Variants in CTNNA3 observed in about 807,000 individuals in gnomAD.
CTNNA3 encodes catenin alpha-3.
CTNNA3 carries 76 observed loss-of-function variants against 95.7 expected under a neutral mutation model. The observed-to-expected ratio is 0.79, with a 90% CI of 0.66 to 0.96. The LOEUF is 0.96. Among genes scored for constraint, CTNNA3 ranks in the 40% least tolerant of loss-of-function variants. CTNNA3 has a pLI of 0.00. For missense variants in CTNNA3, 1,191 were observed against 1,089.8 expected (o/e 1.09, Z -1.31); for synonymous variants, 431 against 374.4 (o/e 1.15, Z -1.74).
chr10:66,254,109 A>C (rs1374915167), intron 13 of CTNNA3, among the ~76,000 whole-genome samples: 2 of 152,062 alleles, frequency 1.3e-5, no homozygotes, highest in Non-Finnish European at 2.9e-5. Flanking sequence ...TTTCTCAACA[A>C]TCTTACCTCC....
At chr10:66,085,597 C>T (rs2080952465) in intron 14 of CTNNA3, among the ~76,000 whole-genome samples, 1 of 151,798 alleles carries the variant, frequency 6.6e-6, no homozygotes, top group South Asian at 2.1e-4. Context: ...AGAATGTCAC[C>T]AGAGAGTCAC....
chr10:66,787,487 T>G (rs1050049631), intron 7 of CTNNA3, among the ~76,000 whole-genome samples: 1 of 152,102 alleles, frequency 6.6e-6, no homozygotes, highest in Non-Finnish European at 1.5e-5. Context: ...CTTTTCTCTT[T>G]CTCCTTCTGC....
chr10:66,471,071 A>G (rs1839111825), intron 11 of CTNNA3, among the ~76,000 whole-genome samples: 1 of 151,896 alleles, frequency 6.6e-6, no homozygotes, highest in Non-Finnish European at 1.5e-5. Context: ...TAAATTCTGG[A>G]GAGGAAATGG....
chr10:67,391,256 C>A (rs1461655774), intron 5 of CTNNA3, among the ~76,000 whole-genome samples: 1 of 151,750 alleles, frequency 6.6e-6, no homozygotes, highest in Non-Finnish European at 1.5e-5. Context: ...TCTTATACAC[C>A]AACAACAGAC....
At chr10:66,739,798 A>G (rs1849266613) in intron 9 of CTNNA3, among the ~76,000 whole-genome samples, 1 of 152,204 alleles carries the variant, frequency 6.6e-6, no homozygotes, top group African/African-American at 2.4e-5. Flanking sequence ...TGGGGAAAGT[A>G]CAGTTGTGTG....
chr10:67,624,122 G>A (rs1035029079), intron 2 of CTNNA3, among the ~76,000 whole-genome samples: 3 of 151,944 alleles, frequency 2.0e-5, no homozygotes, highest in South Asian at 2.1e-4. Context: ...GCGCCCAGCC[G>A]ATTATTTTAA....
At chr10:67,345,860 C>A (rs1842393563) in intron 5 of CTNNA3, among the ~76,000 whole-genome samples, 1 of 151,956 alleles carries the variant, frequency 6.6e-6, no homozygotes, top group South Asian at 2.1e-4. Context: ...CTTACTCCTG[C>A]CATTTTGTTG....
chr10:66,650,604 G>A lies in CTNNA3; in HGVS notation c.1282-28820C>T, dbSNP rs534232884. 3.3e-5 allele frequency among the ~76,000 whole-genome samples: 5 copies of A among 152,226 alleles called. No homozygotes were observed. In the East Asian group the frequency reaches 5.8e-4, roughly 18 times the overall value. ...TACAGTTTTTAAAGATGGTGTGTCC[G>A]GAGTTCATTCCTTCAGATGTTCAGA... On this transcript the variant is annotated intron_variant, in intron 9 of 17. Transcript: ENST00000433211.
chr10:66,229,639 T>G (rs2089487834), intron 13 of CTNNA3, among the ~76,000 whole-genome samples: 1 of 152,162 alleles, frequency 6.6e-6, no homozygotes, highest in Non-Finnish European at 1.5e-5. Context: ...TGCTTTTCCC[T>G]TGCTGTTTTT....
chr10:66,813,863 TGTG>T, intron 7 of CTNNA3, among the ~76,000 whole-genome samples: 1 of 151,914 alleles, frequency 6.6e-6, no homozygotes, highest in Non-Finnish European at 1.5e-5. Context: ...TGTGTGTGTG[TGTG>T]TGTGTTTGAA....
chr10:67,132,435 G>A (rs1487892517), intron 7 of CTNNA3, among the ~76,000 whole-genome samples: 3 of 152,036 alleles, frequency 2.0e-5, no homozygotes, highest in Non-Finnish European at 4.4e-5. Context: ...CGTGTTTCCA[G>A]GGAGATGAAA....
intron 7 of CTNNA3, among the ~76,000 whole-genome samples, chr10:67,021,284 C>T (rs116467595): frequency 0.025 from 3,844 of 152,128 alleles, 184 homozygotes; most frequent in African/African-American, 0.088. Flanking sequence ...CATTTCACAC[C>T]TTTAAAATTA....
chr10:67,302,851 G>T (rs1005727827), intron 5 of CTNNA3, among the ~76,000 whole-genome samples: 1 of 152,158 alleles, frequency 6.6e-6, no homozygotes, highest in Non-Finnish European at 1.5e-5. Flanking sequence ...TAAACAGATG[G>T]TATAACCAAA....
chr10:65,928,919 A>T (rs1341371827), intron 17 of CTNNA3, among the ~76,000 whole-genome samples: 1 of 152,150 alleles, frequency 6.6e-6, no homozygotes, highest in African/African-American at 2.4e-5. Context: ...GTACATGTGC[A>T]CAACGTGCAG....
rs545876427 is a variant in CTNNA3, at chr10:67,166,719, C to A, written c.1047+13598G>T. Among the ~76,000 whole-genome samples the A allele has an allele frequency of 4.6e-5, 7 of 152,298 alleles. No individual in the cohort carries two copies. In the East Asian group the frequency reaches 9.7e-4, roughly 21 times the overall value. ...TAGGGTAATTCAGATCCTTTATGTT[C>A]TTCTCAAAGTAAAGTCTTTGCCTAA... On this transcript the variant is annotated intron_variant, in intron 7 of 17. Transcript: ENST00000433211.
At chr10:67,064,720 A>G (rs1855964298) in intron 7 of CTNNA3, among the ~76,000 whole-genome samples, 1 of 152,206 alleles carries the variant, frequency 6.6e-6, no homozygotes, top group South Asian at 2.1e-4. Context: ...TGTGTGAGGT[A>G]TTAATTGAAA....
intron 5 of CTNNA3, among the ~76,000 whole-genome samples, chr10:67,509,499 T>C (rs927449346): frequency 3.3e-5 from 5 of 152,216 alleles, no homozygotes; most frequent in African/African-American, 4.8e-5. Flanking sequence ...GCTTCATGCA[T>C]GTCCCTGCAA....
rs56664927 is a variant in CTNNA3 at position 66,972,700 on chromosome 10, ATTTTT to A, written c.1048-197181_1048-197177del. On this transcript the variant is annotated intron_variant, in intron 7 of 17. Transcript: ENST00000433211. ...ACAATTTAAAGGTTCTGTCAAATAG[ATTTTT>A]TTTTTTTTTTTTTTTTTTTTTATGA... Among the ~76,000 whole-genome samples, 351 of 108,656 alleles carry A rather than the reference ATTTTT, an allele frequency of 3.2e-3. 4 individuals carry two copies. Among genetic ancestry groups the A allele is most frequent in the African/African-American group, 9.9e-3 (293 of 29,598 alleles). The allele number at this position is 108,656 out of a possible 152,430, so 71.3% of individuals were successfully genotyped here.
At chr10:67,183,781 A>C (rs1206091781) in intron 6 of CTNNA3, among the ~76,000 whole-genome samples, 2 of 152,008 alleles carry the variant, frequency 1.3e-5, no homozygotes, top group East Asian at 1.9e-4. Flanking sequence ...AAAAATGTAA[A>C]CTTTATTTCT....
Sources: allele counts gnomAD v4.1 joint callset (sites outside exome capture counted in the v4.1 genomes callset), GRCh38; gene constraint gnomAD v4.1.1; transcripts MANE v1.5; gene names NCBI Gene and HGNC (gene_info 2026-07-23, HGNC 2026-07-21).